GAGE12J: variants seen among roughly 807,000 people sequenced by gnomAD.
The protein encoded by GAGE12J is G antigen 11.
In GAGE12J, 5 loss-of-function variants were observed where a neutral mutation model predicts 8.5. The ratio of observed to expected loss-of-function variants is 0.59; its 90% CI spans 0.31 to 1.24. The LOEUF (loss-of-function observed/expected upper bound fraction) is 1.24, where lower values mean the gene tolerates loss of function less well. Ranked by LOEUF, GAGE12J falls within the 50% of genes most tolerant of loss-of-function variation. The pLI is 0.06. For synonymous variants in GAGE12J, 10 were observed against 19.2 expected (o/e 0.52, Z 1.25); for missense variants, 26 against 63.0 (o/e 0.41, Z 1.99).
At chrX:49,323,410 A>C in intron 2 of GAGE12J, 133 bp downstream of exon 2, 2 of 546,111 alleles carry the variant, frequency 3.7e-6, no homozygotes, top group Non-Finnish European at 5.9e-6. Context: ...CATCTCATGA[A>C]GGAAACATTG....
At chrX:49,325,591 T>TCACACA (rs1176588303) in intron 3 of GAGE12J, among the ~76,000 whole-genome samples, 2 of 78,067 alleles carry the variant, frequency 2.6e-5, no homozygotes, top group Non-Finnish European at 6.5e-5. Context: ...GCCCACACAC[T>TCACACA]CACACACACA....
In GAGE12J at chrX:49,328,209, A is replaced by G. The variant is rs1395718614; in HGVS notation, c.332-1062A>G. ...GCCATGCTGTTGCACTGCACCCACTATCTCATCATCTAGCATTAGGTACAT... is the reference window on the plus strand; with the variant it reads ...GCCATGCTGTTGCACTGCACCCACTGTCTCATCATCTAGCATTAGGTACAT... On this transcript the variant is annotated intron_variant, in intron 4 of 4. Coordinates refer to ENST00000442437, the MANE Select transcript of GAGE12J (RefSeq NM_001098406.4). 1.4e-3 allele frequency among the ~76,000 whole-genome samples: 95 copies of G among 70,050 alleles called. 1 individual carries two copies. The highest frequency in any genetic ancestry group is 3.1e-3 in the African/African-American group (86 of 27,389). 60.8% of individuals were successfully genotyped at this position (70,050 alleles called of 115,157 possible).
chrX:49,322,385 G>A (rs1300921030), intron 1 of GAGE12J, among the ~76,000 whole-genome samples: 1 of 108,783 alleles, frequency 9.2e-6, no homozygotes, highest in East Asian at 2.8e-4. Context: ...GGTGAAGATG[G>A]GGTGAGTGCT....
At chrX:49,322,460 G>A (rs1431940195) in intron 1 of GAGE12J, among the ~76,000 whole-genome samples, 1 of 107,761 alleles carries the variant, frequency 9.3e-6, no homozygotes, top group Non-Finnish European at 2.0e-5. Flanking sequence ...TTCCCTGAAT[G>A]GGGCCTCCGG....
At chrX:49,322,322 G>T (rs2066422186) in intron 1 of GAGE12J, among the ~76,000 whole-genome samples, 178 bp downstream of exon 1, 1 of 104,606 alleles carries the variant, frequency 9.6e-6, no homozygotes, top group African/African-American at 3.3e-5. Context: ...GGTCGTGAAG[G>T]GGCCTGGACG....
At chrX:49,322,452 C>T (rs1294962550) in intron 1 of GAGE12J, among the ~76,000 whole-genome samples, 3 of 108,194 alleles carry the variant, frequency 2.8e-5, no homozygotes, top group African/African-American at 3.3e-5. Flanking sequence ...AGGGCAGATT[C>T]CCTGAATGGG....
chrX:49,322,479 A>T (rs1557126163), intron 1 of GAGE12J, among the ~76,000 whole-genome samples: 2 of 105,561 alleles, frequency 1.9e-5, no homozygotes, highest in Non-Finnish European at 4.0e-5. Context: ...GGCGGGGGCG[A>T]GGCGGGCGGT....
At chrX:49,325,592 C>G (rs1390292353) in intron 3 of GAGE12J, among the ~76,000 whole-genome samples, 5 of 73,681 alleles carry the variant, frequency 6.8e-5, no homozygotes, top group Admixed American at 4.0e-4. Context: ...CCCACACACT[C>G]ACACACACAC....
intron 1 of GAGE12J, 21 bp from the exon 2 acceptor site, chrX:49,323,165 A>G: frequency 9.0e-7 from 1 of 1,109,092 alleles, no homozygotes; most frequent in South Asian, 1.8e-5. Flanking sequence ...CACGTTCCCA[A>G]TCACGGTTGT....
At chrX:49,324,718 TTA>T (rs2066437914) in intron 3 of GAGE12J, among the ~76,000 whole-genome samples, 1 of 61,261 alleles carries the variant, frequency 1.6e-5, no homozygotes, top group Non-Finnish European at 4.0e-5. Context: ...ACAAACAATG[TTA>T]TATTTGGTGC....
chrX:49,325,495 C>T (rs1162437002), intron 3 of GAGE12J, among the ~76,000 whole-genome samples: 1 of 97,925 alleles, frequency 1.0e-5, no homozygotes, highest in Non-Finnish European at 2.2e-5. Flanking sequence ...ACAATGAACT[C>T]ATATACTGTT....
chrX:49,323,363 G>A lies in GAGE12J; in HGVS notation c.84+86G>A, dbSNP rs782226625. 16 of 669,849 alleles carry A rather than the reference G, an allele frequency of 2.4e-5. 1 individual carries two copies. Among genetic ancestry groups the A allele is most frequent in the Non-Finnish European group, 3.4e-5 (15 of 443,753 alleles). The allele number at this position is 669,849 out of a possible 1,213,427, so 55.2% of individuals were successfully genotyped here. ...GTTGTTGCATTAGTGTGGAAATGCT[G>A]ATAAAGGTCTTTCCTGCTCATAAAA... On this transcript the variant is annotated intron_variant, in intron 2 of 4. Coordinates refer to ENST00000442437, the MANE Select transcript of GAGE12J (RefSeq NM_001098406.4).
chrX:49,325,521 A>C (rs1358599975), intron 3 of GAGE12J, among the ~76,000 whole-genome samples: 1 of 88,182 alleles, frequency 1.1e-5, no homozygotes, highest in African/African-American at 3.4e-5. Context: ...GGATTCACCA[A>C]TTGTTAATAG....
intron 1 of GAGE12J, among the ~76,000 whole-genome samples, chrX:49,322,507 C>A (rs1350702052): frequency 9.7e-6 from 1 of 103,566 alleles, no homozygotes; most frequent in Non-Finnish European, 2.1e-5. Flanking sequence ...GGGCCTGGCA[C>A]CTGGGAAGGC....
At chrX:49,323,963 G>T (rs2066434731) in intron 3 of GAGE12J, 100 bp downstream of exon 3, 13 of 1,163,301 alleles carry the variant, frequency 1.1e-5, no homozygotes, top group Non-Finnish European at 1.2e-5. Flanking sequence ...TGTGTGTTAG[G>T]CATTGTCACA....
chrX:49,325,481 T>C lies in GAGE12J; in HGVS notation c.206-1209T>C, dbSNP rs1381822411. Among the ~76,000 whole-genome samples the C allele has an allele frequency of 1.2e-4, 12 of 101,210 alleles. No homozygotes were observed. In the East Asian group the frequency reaches 3.7e-3, roughly 32 times the overall value. 87.9% of individuals were successfully genotyped at this position (101,210 alleles called of 115,157 possible). A position where few individuals can be genotyped will look rare whatever the true frequency, so the allele number is the denominator to read the frequency against. On this transcript the variant is annotated intron_variant, in intron 3 of 4. Transcript: ENST00000442437. ...AGCATTCATAGAAAATTTGCAAGAA[T>C]AGTACAATGAACTCATATACTGTTC...
chrX:49,322,348 C>T (rs1425764480), intron 1 of GAGE12J, among the ~76,000 whole-genome samples: 1 of 104,984 alleles, frequency 9.5e-6, no homozygotes, highest in Non-Finnish European at 2.0e-5. Flanking sequence ...GAAGGTGGGC[C>T]GTGGAGGGGA....
rs1477810154 is a variant in GAGE12J at position 49,328,092 on chromosome X, C to A, written c.332-1179C>A. Among the ~76,000 whole-genome samples the A allele has an allele frequency of 2.8e-5, 2 of 71,998 alleles. 1 individual carries two copies. Among genetic ancestry groups the A allele is most frequent in the Admixed American group, 3.1e-4 (2 of 6,442 alleles). The allele number at this position is 71,998 out of a possible 115,157, so 62.5% of individuals were successfully genotyped here. A position where few individuals can be genotyped will look rare whatever the true frequency, so the allele number is the denominator to read the frequency against. On this transcript the variant is annotated intron_variant, in intron 4 of 4. Coordinates refer to ENST00000442437, the MANE Select transcript of GAGE12J (RefSeq NM_001098406.4). ...TAATGAACAATTGCTTCTTTTTTTT[C>A]TTTTATTTATTTATTTATTTATTTA...
chrX:49,323,257 G>C lies in GAGE12J; in HGVS notation c.64G>C (p.Glu22Gln), dbSNP rs781900936. 5.2e-6 allele frequency: 6 copies of C among 1,146,425 alleles called. 1 individual carries two copies. The African/African-American group carries it at 1.1e-4, about 20-fold the overall frequency. The allele number at this position is 1,146,425 out of a possible 1,213,427, so 94.5% of individuals were successfully genotyped here. Residue 22 changes from glutamate to glutamine, a missense_variant, in exon 2 of 5, where the codon GAA becomes CAA. Physicochemically the swap from Glu to Gln is conservative, Grantham distance 29. Coordinates refer to ENST00000442437, the MANE Select transcript of GAGE12J (RefSeq NM_001098406.4). ...PRPRPYVQPPEMIGPMRPEQF... is the reference protein window; with the variant it reads ...PRPRPYVQPPQMIGPMRPEQF... The stretch of plus-strand genomic sequence containing the variant: ...ACCAAGACCCTATGTACAGCCTCCT[G>C]AAATGATTGGGCCTATGCGGGTGAG...
Sources: allele counts gnomAD v4.1 joint callset (sites outside exome capture counted in the v4.1 genomes callset), GRCh38; gene constraint gnomAD v4.1.1; transcripts MANE v1.5; gene names NCBI Gene and HGNC (gene_info 2026-07-23, HGNC 2026-07-21).